The following STX7 variants were observed in gnomAD, a reference collection of about 807,000 sequenced individuals.
STX7 encodes syntaxin 7.
Under a neutral mutation model 39.6 loss-of-function variants are expected in STX7, and 34 were observed. The observed-to-expected ratio is 0.86, with a 90% CI of 0.65 to 1.14. The LOEUF (loss-of-function observed/expected upper bound fraction) is 1.14. Among genes scored for constraint, STX7 ranks in the 50% most tolerant of loss-of-function variants. The pLI is 0.00. For synonymous variants in STX7, 119 were observed against 99.1 expected, an observed-to-expected ratio of 1.20 and a Z score of -1.19; for missense variants, 284 against 310.4, an observed-to-expected ratio of 0.92 and a Z score of 0.64.
chr6:132,485,772 T>C (rs1231183848), intron 2 of STX7, among the ~76,000 whole-genome samples: 6 of 152,238 alleles, frequency 3.9e-5, no homozygotes, highest in Non-Finnish European at 8.8e-5. Context: ...TGAACATCTT[T>C]TTATGTCCTA....
At chr6:132,467,912 C>T (rs1774601654) in intron 8 of STX7, among the ~76,000 whole-genome samples, 2 of 152,092 alleles carry the variant, frequency 1.3e-5, no homozygotes, top group South Asian at 4.2e-4. Flanking sequence ...AAAAAGAATT[C>T]CTAACTTCTA....
rs1774724063 is a variant in STX7, at chr6:132,471,580, C to T, written c.270G>A (p.Lys90=). The T allele has an allele frequency of 1.2e-6, 2 of 1,613,530 alleles. No homozygotes were observed. Among genetic ancestry groups the T allele is most frequent in the African/African-American group, 1.3e-5 (1 of 75,020 alleles). The change falls in exon 5 of 10, where the codon AAG becomes AAA. Residue 90 remains lysine (K), a synonymous_variant. Transcript: ENST00000367941. ...TTGTGAACTCTGCCACTAAGCGATCCTTCTGTATTTTCCTTTGACGCTAGA... is the reference window on the plus strand; with the variant it reads ...TTGTGAACTCTGCCACTAAGCGATCTTTCTGTATTTTCCTTTGACGCTAGA... ...PSEQRQRKIQ[K]DRLVAEFTTS...
At chr6:132,509,430 G>A (rs973185670) in intron 1 of STX7, among the ~76,000 whole-genome samples, 2 of 150,266 alleles carry the variant, frequency 1.3e-5, no homozygotes, top group Non-Finnish European at 1.5e-5. Flanking sequence ...CCAGCCCGGC[G>A]ACAGAGCGAG....
chr6:132,489,678 C>A (rs1404613485), intron 2 of STX7, among the ~76,000 whole-genome samples: 1 of 152,156 alleles, frequency 6.6e-6, no homozygotes, highest in Non-Finnish European at 1.5e-5. Context: ...TGGAGAGCAT[C>A]CACCCGCAAG....
intron 2 of STX7, among the ~76,000 whole-genome samples, chr6:132,478,832 T>C (rs1370663924): frequency 2.0e-5 from 3 of 152,244 alleles, no homozygotes; most frequent in Non-Finnish European, 2.9e-5. Context: ...AAGGATTTGC[T>C]ATCAATGGGA....
Position 132,471,462 on chromosome 6 carries a change from C to T in STX7, c.387+1G>A. ...TCTAGAATGTCTTTTAAAATACTTA[C>T]AGACACTCTGGAACTGGCTCTTACT... is the stretch of plus-strand genomic sequence containing the variant. On this transcript the variant is annotated splice_donor_variant, in intron 5 of 9. Coordinates refer to ENST00000367941, the MANE Select transcript of STX7 (RefSeq NM_003569.3). LOFTEE classifies it high-confidence loss of function. 1 of 1,612,562 alleles carries T rather than the reference C, an allele frequency of 6.2e-7. No homozygotes were observed. The highest frequency in any genetic ancestry group is 8.5e-7 in the Non-Finnish European group (1 of 1,179,428).
intron 4 of STX7, 110 bp from the exon 5 acceptor site, chr6:132,471,710 A>G: frequency 8.5e-7 from 1 of 1,176,880 alleles, no homozygotes; most frequent in Admixed American, 2.3e-5. Flanking sequence ...CTCCCCAATT[A>G]CAGGGCCTTA....
intron 9 of STX7, among the ~76,000 whole-genome samples, chr6:132,462,365 C>A (rs1383393025): frequency 6.6e-6 from 1 of 152,230 alleles, no homozygotes. Flanking sequence ...AGCCTAGGGG[C>A]AGCTTCCAGT....
intron 2 of STX7, among the ~76,000 whole-genome samples, chr6:132,500,101 G>A (rs978609268): frequency 6.6e-6 from 1 of 152,054 alleles, no homozygotes; most frequent in Non-Finnish European, 1.5e-5. Context: ...GCCAGCATCC[G>A]AGCTCTCCCC....
Position 132,448,710 on chromosome 6 carries a change from C to T in STX7, c.*12048G>A, listed in dbSNP as rs1204853947. The stretch of plus-strand genomic sequence containing the variant: ...AAATTAGCCAGGTTGTGGTGGCGCA[C>T]ACCTGTACTCCCAGCTACTCGGGAG... On this transcript the variant is annotated 3_prime_UTR_variant, in exon 10 of 10. Transcript: ENST00000367941. 1 of 151,892 alleles carries T rather than the reference C, an allele frequency of 6.6e-6. No individual in the cohort carries two copies. The highest frequency in any genetic ancestry group is 2.4e-5 in the African/African-American group (1 of 41,318). 9.4% of individuals were successfully genotyped at this position (151,892 alleles called of 1,614,324 possible).
At position 132,468,493 on chromosome 6, in the gene STX7, T is replaced by C. The variant is rs775114660; in HGVS notation, c.538-18A>G. The C allele has an allele frequency of 3.6e-5, 56 of 1,571,174 alleles. No homozygotes were observed. The highest frequency in any genetic ancestry group is 4.5e-5 in the Non-Finnish European group (52 of 1,156,510). ...ATATCAGCCTAAGAGAAAACGCATATATTATTATAATCAGAAATTCAGTCC... is the reference window on the plus strand; with the variant it reads ...ATATCAGCCTAAGAGAAAACGCATACATTATTATAATCAGAAATTCAGTCC... On this transcript the variant is annotated intron_variant, in intron 7 of 9. Coordinates refer to ENST00000367941, the MANE Select transcript of STX7 (RefSeq NM_003569.3).
In STX7 at chr6:132,454,286, T is replaced by G. The variant is rs1290490183; in HGVS notation, c.*6472A>C. On this transcript the variant is annotated 3_prime_UTR_variant, in exon 10 of 10. Transcript: ENST00000367941. ...TGGTTGCCAAGGGTTAAGAAGGGAG[T>G]AGGGATGGGAGTGAAGTGGGTATGG... 6.8e-6 allele frequency: 1 copy of G among 147,556 alleles called. No homozygotes were observed. The highest frequency in any genetic ancestry group is 1.5e-5 in the Non-Finnish European group (1 of 66,810). The allele number at this position is 147,556 out of a possible 1,614,324, so 9.1% of individuals were successfully genotyped here.
intron 2 of STX7, among the ~76,000 whole-genome samples, chr6:132,497,725 C>G (rs368771583): frequency 1.2e-4 from 19 of 152,232 alleles, no homozygotes; most frequent in African/African-American, 4.6e-4. Context: ...TCTGGTTTAC[C>G]TATATGATAG....
intron 2 of STX7, among the ~76,000 whole-genome samples, chr6:132,488,160 G>A (rs1159418134): frequency 6.6e-6 from 1 of 152,116 alleles, no homozygotes; most frequent in Non-Finnish European, 1.5e-5. Flanking sequence ...TATTTGAAAT[G>A]TGTTTGGTTT....
chr6:132,476,392 T>C (rs1050177943), intron 2 of STX7, among the ~76,000 whole-genome samples: 2 of 152,056 alleles, frequency 1.3e-5, no homozygotes, highest in African/African-American at 2.4e-5. Context: ...CAGTCTAGAC[T>C]GTGGGACAAT....
chr6:132,498,540 A>T (rs1775474404), intron 2 of STX7, among the ~76,000 whole-genome samples: 1 of 152,248 alleles, frequency 6.6e-6, no homozygotes, highest in Admixed American at 6.5e-5. Flanking sequence ...TTAGTTTAAC[A>T]GATGCTCATA....
At chr6:132,468,725 T>C (rs1774626967) in intron 7 of STX7, among the ~76,000 whole-genome samples, 1 of 152,110 alleles carries the variant, frequency 6.6e-6, no homozygotes, top group Non-Finnish European at 1.5e-5. Context: ...CGAGGCAGGA[T>C]GGAAATGAAT....
chr6:132,479,036 A>G (rs773070308), intron 2 of STX7, among the ~76,000 whole-genome samples: 4 of 152,232 alleles, frequency 2.6e-5, no homozygotes, highest in East Asian at 3.8e-4. Flanking sequence ...CCTGCAAAGC[A>G]TAAGTAAGCC....
intron 9 of STX7, 124 bp from the exon 10 acceptor site, chr6:132,460,974 T>A: frequency 1.4e-6 from 1 of 709,452 alleles, no homozygotes; most frequent in Non-Finnish European, 2.2e-6. Context: ...TATATTGCCC[T>A]CAAATTTTTG....
Sources: allele counts gnomAD v4.1 joint callset (sites outside exome capture counted in the v4.1 genomes callset), GRCh38; gene constraint gnomAD v4.1.1; transcripts MANE v1.5; gene names NCBI Gene and HGNC (gene_info 2026-07-23, HGNC 2026-07-21).